P2RX2: variants seen among roughly 807,000 people sequenced by gnomAD.
The protein encoded by P2RX2 is P2X purinoceptor 2.
P2RX2 carries 50 observed loss-of-function variants against 54.8 expected under a neutral mutation model. That is an observed-to-expected ratio of 0.91 (90% CI 0.73 to 1.15). The LOEUF is 1.15. Ranked by LOEUF, P2RX2 falls within the 50% of genes most tolerant of loss-of-function variation. P2RX2 has a pLI of 0.00. For missense variants in P2RX2, 658 were observed against 633.2 expected, an observed-to-expected ratio of 1.04 and a Z score of -0.42; for synonymous variants, 289 against 259.4, an observed-to-expected ratio of 1.11 and a Z score of -1.09.
rs115331525 is a variant in P2RX2, at chr12:132,621,271, A to C, written c.922A>C (p.Lys308Gln). 2 of 1,613,980 alleles carry C rather than the reference A, an allele frequency of 1.2e-6. No individual in the cohort carries two copies. Among genetic ancestry groups the C allele is most frequent in the East Asian group, 2.2e-5 (1 of 44,870 alleles). ...GYNFRFAKYY[K>Q]INGTTTRTLI... ...CCATTGCAGGTTTGCCAAATACTAC[A>C]AGATCAATGGCACCACCACCCGCAC... is the stretch of plus-strand genomic sequence containing the variant. The change falls in exon 9 of 11, where the codon AAG (lysine) becomes CAG (glutamine). Residue 308 changes from lysine to glutamine, a missense_variant. Physicochemically the swap from Lys to Gln is moderately conservative, Grantham distance 53. Transcript: ENST00000643471.
At position 132,622,025 on chromosome 12, in the gene P2RX2, C is replaced by A; in HGVS notation, c.*53C>A. 1 of 1,608,636 alleles carries A rather than the reference C, an allele frequency of 6.2e-7. No homozygotes were observed. The highest frequency in any genetic ancestry group is 8.5e-7 in the Non-Finnish European group (1 of 1,178,022). ...ACCCGGCCTGGTGGGGCCAGAGAGT[C>A]CCCAGCTAGGGACCTGCACGTGGAC... On this transcript the variant is annotated 3_prime_UTR_variant, in exon 11 of 11. Transcript: ENST00000643471.
Position 132,622,177 on chromosome 12 carries a change from C to G in P2RX2, c.*205C>G. 1.4e-6 allele frequency: 2 copies of G among 1,433,438 alleles called. No individual in the cohort carries two copies. Among genetic ancestry groups the G allele is most frequent in the Non-Finnish European group, 1.8e-6 (2 of 1,098,998 alleles). The allele number at this position is 1,433,438 out of a possible 1,614,324, so 88.8% of individuals were successfully genotyped here. ...TGGCATACAGCCCCTGACACCTCCT[C>G]CCCAGCTGGTCCCTACAGGGCTGCT... On this transcript the variant is annotated 3_prime_UTR_variant, in exon 11 of 11. Transcript: ENST00000643471.
chr12:132,618,905 C>G lies in P2RX2; in HGVS notation c.89C>G (p.Thr30Arg). Residue 30 changes from threonine (T) to arginine (R), a missense_variant, in exon 1 of 11, where the codon ACG becomes AGG. Coordinates refer to ENST00000643471, the MANE Select transcript of P2RX2 (RefSeq NM_170682.4). Reference sequence around the variant, plus strand: ...TGGTCCGCCCTCTGGGACTACGAGACGCCCAAGGTGATCGTGGTGAGGAAC... The same window carrying G: ...TGGTCCGCCCTCTGGGACTACGAGAGGCCCAAGGTGATCGTGGTGAGGAAC... Reference protein sequence around the residue: ...GCWSALWDYETPKVIVVRNRR... With the variant: ...GCWSALWDYERPKVIVVRNRR... The G allele has an allele frequency of 7.4e-7, 1 of 1,354,344 alleles. No individual in the cohort carries two copies. The highest frequency in any genetic ancestry group is 2.1e-5 in the South Asian group (1 of 47,722). 83.9% of individuals were successfully genotyped at this position (1,354,344 alleles called of 1,614,324 possible).
Position 132,618,950 on chromosome 12 carries a change from A to AC in P2RX2, c.136dup (p.Arg46ProfsTer226), listed in dbSNP as rs2041493692. 1 of 1,284,870 alleles carries AC rather than the reference A, an allele frequency of 7.8e-7. No homozygotes were observed. Among genetic ancestry groups the AC allele is most frequent in the Non-Finnish European group, 1.0e-6 (1 of 1,004,512 alleles). 79.6% of individuals were successfully genotyped at this position (1,284,870 alleles called of 1,614,324 possible). On this transcript the variant is annotated frameshift_variant, in exon 1 of 11. Transcript: ENST00000643471. LOFTEE classifies it high-confidence loss of function. ...AGGAACCGGCGCCTGGGGGTCCTGT[A>AC]CCGCGCCGTGCAGCTGCTCATCCTG...
At position 132,621,910 on chromosome 12, in the gene P2RX2, C is replaced by A; in HGVS notation, c.1354C>A (p.Pro452Thr). ...CCCTTCTGAGCAGATGGTGGACACT[C>A]CTGCCTCCGAGCCTGCCCAAGCCTC... ...SAPSEQMVDT[P>T]ASEPAQASTP... The change falls in exon 11 of 11, where the codon CCT (proline) becomes ACT (threonine). Residue 452 changes from proline (P) to threonine (T), a missense_variant. Pro to Thr is a conservative substitution (Grantham distance 38). Coordinates refer to ENST00000643471, the MANE Select transcript of P2RX2 (RefSeq NM_170682.4). 1 of 1,613,726 alleles carries A rather than the reference C, an allele frequency of 6.2e-7. No homozygotes were observed. Among genetic ancestry groups the A allele is most frequent in the Non-Finnish European group, 8.5e-7 (1 of 1,180,020 alleles).
At chr12:132,620,221 G>A (rs1052581942) in intron 5 of P2RX2, 46 bp from the exon 6 acceptor site, 2 of 1,569,236 alleles carry the variant, frequency 1.3e-6, no homozygotes, top group Non-Finnish European at 1.8e-6. Context: ...CCAGGCGGGG[G>A]CTTTGCGGGA....
Position 132,620,280 on chromosome 12 carries a change from A to G in P2RX2, c.568A>G (p.Thr190Ala), listed in dbSNP as rs755446993. Reference sequence around the variant, plus strand: ...GTGCCTCCTCAGCCAATTTCTGGGTACGATGGCCCCAAATTTCACCATCCT... The same window carrying G: ...GTGCCTCCTCAGCCAATTTCTGGGTGCGATGGCCCCAAATTTCACCATCCT... The part of the protein sequence containing the change: ...DGASVSQFLG[T>A]MAPNFTILIK... The change falls in exon 6 of 11, where the codon ACG (threonine) becomes GCG (alanine). Residue 190 changes from threonine to alanine, a missense_variant. Coordinates refer to ENST00000643471, the MANE Select transcript of P2RX2 (RefSeq NM_170682.4). 1.9e-6 allele frequency: 3 copies of G among 1,613,842 alleles called. No homozygotes were observed. Among genetic ancestry groups the G allele is most frequent in the Non-Finnish European group, 2.5e-6 (3 of 1,179,838 alleles).
Position 132,619,486 on chromosome 12 carries a change from C to G in P2RX2, c.221C>G (p.Pro74Arg), listed in dbSNP as rs2041544044. Residue 74 changes from proline (P) to arginine (R), a missense_variant, in exon 2 of 11, where the codon CCC (proline) becomes CGC (arginine). Coordinates refer to ENST00000643471, the MANE Select transcript of P2RX2 (RefSeq NM_170682.4). The stretch of plus-strand genomic sequence containing the variant: ...AGCTACCAGGAGAGCGAGACGGGCC[C>G]CGAGAGCTCCATCATCACCAAGGTC... ...QKSYQESETG[P>R]ESSIITKVKG... The G allele has an allele frequency of 6.2e-7, 1 of 1,612,748 alleles. No individual in the cohort carries two copies.
chr12:132,619,014 C>T (rs747164493), intron 1 of P2RX2, 25 bp downstream of exon 1: 2 of 1,089,910 alleles, frequency 1.8e-6, no homozygotes, highest in Non-Finnish European at 2.3e-6. Context: ...GGGTGCGGGG[C>T]GCGGGGTGCG....
At chr12:132,619,979 T>C (rs776504683) in intron 4 of P2RX2, 21 bp from the exon 5 acceptor site, 37 of 1,578,102 alleles carry the variant, frequency 2.3e-5, no homozygotes, top group Non-Finnish European at 2.9e-5. Flanking sequence ...CGCTAATGCC[T>C]CAGTGACCTC....
Position 132,622,228 on chromosome 12 carries a change from C to A in P2RX2, c.*256C>A. On this transcript the variant is annotated 3_prime_UTR_variant, in exon 11 of 11. Transcript: ENST00000643471. ...CACTTCCCATCACCTCTCACAGCCA[C>A]CTGGAACCCAAGCCAGCTGAGCTCT... 7.2e-7 allele frequency: 1 copy of A among 1,382,572 alleles called. No homozygotes were observed. Among genetic ancestry groups the A allele is most frequent in the South Asian group, 1.6e-5 (1 of 61,410 alleles). 85.6% of individuals were successfully genotyped at this position (1,382,572 alleles called of 1,614,324 possible). A position where few individuals can be genotyped will look rare whatever the true frequency, so the allele number is the denominator to read the frequency against.
intron 1 of P2RX2, 47 bp downstream of exon 1, chr12:132,619,036 AGGG>A (rs2041503039): frequency 1.2e-6 from 1 of 868,232 alleles, no homozygotes. Flanking sequence ...GGCGCAGGGG[AGGG>A]GCTGGGATTG....
Position 132,621,781 on chromosome 12 carries a change from C to CGCTCCGAGGACCA in P2RX2, c.1228_1240dup (p.His414LeufsTer37). 6.2e-7 allele frequency: 1 copy of CGCTCCGAGGACCA among 1,600,256 alleles called. No individual in the cohort carries two copies. Among genetic ancestry groups the CGCTCCGAGGACCA allele is most frequent in the Non-Finnish European group, 8.5e-7 (1 of 1,171,896 alleles). On this transcript the variant is annotated frameshift_variant, in exon 11 of 11. Transcript: ENST00000643471. LOFTEE classifies it high-confidence loss of function. ...CCAGGCCCCTCCCGAACCCGGCCAC[C>CGCTCCGAGGACCA]GCTCCGAGGACCAGCACCCCAGCCC...
chr12:132,621,174 G>A (rs757839919), intron 8 of P2RX2, 43 bp downstream of exon 8: 81 of 1,613,884 alleles, frequency 5.0e-5, no homozygotes, highest in Non-Finnish European at 5.1e-5. Context: ...GCATAGCTGT[G>A]GTGGGGTCCC....
intron 8 of P2RX2, 56 bp downstream of exon 8, chr12:132,621,187 G>A: frequency 5.0e-6 from 8 of 1,613,966 alleles, no homozygotes; most frequent in African/African-American, 1.3e-5. Context: ...GGGGTCCCGA[G>A]AGGCCCAATG....
intron 7 of P2RX2, 28 bp downstream of exon 7, chr12:132,620,611 C>G: frequency 6.2e-7 from 1 of 1,602,834 alleles, no homozygotes; most frequent in Non-Finnish European, 8.5e-7. Context: ...AGGGTGGGGC[C>G]AGGGTGGGCT....
intron 1 of P2RX2, among the ~76,000 whole-genome samples, chr12:132,619,226 C>CTGGGGCTGGGACCAGGGGCGCGTGGCA (rs1555298024): frequency 2.4e-5 from 1 of 42,216 alleles, no homozygotes; most frequent in Non-Finnish European, 4.4e-5. Flanking sequence ...GCTGGAGGCG[C>CTGGGGCTGGGACCAGGGGCGCGTGGCA]GGGGCTGGGG....
At position 132,618,909 on chromosome 12, in the gene P2RX2, C is replaced by A; in HGVS notation, c.93C>A (p.Pro31=). The A allele has an allele frequency of 7.4e-7, 1 of 1,352,244 alleles. No homozygotes were observed. The highest frequency in any genetic ancestry group is 2.1e-5 in the South Asian group (1 of 47,178). The allele number at this position is 1,352,244 out of a possible 1,614,324, so 83.8% of individuals were successfully genotyped here. The change falls in exon 1 of 11, where the codon CCC becomes CCA. Residue 31 remains proline, a synonymous_variant. Coordinates refer to ENST00000643471, the MANE Select transcript of P2RX2 (RefSeq NM_170682.4). ...CWSALWDYET[P]KVIVVRNRRL... The stretch of plus-strand genomic sequence containing the variant: ...CCGCCCTCTGGGACTACGAGACGCC[C>A]AAGGTGATCGTGGTGAGGAACCGGC...
chr12:132,621,050 C>T lies in P2RX2; in HGVS notation c.824C>T (p.Pro275Leu), dbSNP rs1170481095. 6.2e-7 allele frequency: 1 copy of T among 1,614,166 alleles called. No individual in the cohort carries two copies. Among genetic ancestry groups the T allele is most frequent in the Admixed American group, 1.7e-5 (1 of 60,028 alleles). ...IINWDCDLDL[P>L]ASECNPKYSF... is the part of the protein sequence containing the mutation. ...AACTGGGACTGTGACCTGGACCTGCCTGCATCGGAGTGCAACCCCAAGTAC... is the reference window on the plus strand; with the variant it reads ...AACTGGGACTGTGACCTGGACCTGCTTGCATCGGAGTGCAACCCCAAGTAC... Residue 275 changes from proline to leucine, a missense_variant, in exon 8 of 11, where the codon CCT becomes CTT. By Grantham distance (98) the Pro-to-Leu change is moderately conservative. Transcript: ENST00000643471.
Sources: allele counts gnomAD v4.1 joint callset (sites outside exome capture counted in the v4.1 genomes callset), GRCh38; gene constraint gnomAD v4.1.1; transcripts MANE v1.5; gene names NCBI Gene and HGNC (gene_info 2026-07-23, HGNC 2026-07-21).